Variants in PRKCE observed in about 807,000 individuals in gnomAD.
The protein encoded by PRKCE is protein kinase C epsilon type.
A neutral mutation model predicts 85.4 loss-of-function variants in PRKCE; 16 were observed. That is an observed-to-expected ratio of 0.19 (90% CI 0.13 to 0.28). PRKCE has a LOEUF of 0.28. Among genes scored for constraint, PRKCE ranks in the 10% least tolerant of loss-of-function variants. The probability of loss-of-function intolerance (pLI) is 1.00; values close to 1 mark genes in which losing one functional copy is unlikely to be tolerated. For missense variants in PRKCE, 573 were observed against 975.2 expected (o/e 0.59, Z 5.49); for synonymous variants, 388 against 371.5 (o/e 1.04, Z -0.51).
intron 1 of PRKCE, among the ~76,000 whole-genome samples, chr2:45,722,676 G>A (rs889831280): frequency 6.6e-6 from 1 of 152,224 alleles, no homozygotes; most frequent in Non-Finnish European, 1.5e-5. Context: ...TACTAAGCAG[G>A]TGTGATTCAG....
At chr2:45,817,789 T>C (rs1006157129) in intron 1 of PRKCE, among the ~76,000 whole-genome samples, 2 of 152,164 alleles carry the variant, frequency 1.3e-5, no homozygotes, top group Non-Finnish European at 2.9e-5. Flanking sequence ...TATAGATGGG[T>C]GACAATGAAG....
chr2:45,844,016 T>C (rs1262169072), intron 2 of PRKCE, among the ~76,000 whole-genome samples: 1 of 152,074 alleles, frequency 6.6e-6, no homozygotes, highest in East Asian at 1.9e-4. Context: ...TTTCACAACA[T>C]CTCCCCAGAA....
chr2:45,889,098 A>G (rs1026194889), intron 2 of PRKCE, among the ~76,000 whole-genome samples: 13 of 152,242 alleles, frequency 8.5e-5, no homozygotes, highest in African/African-American at 3.1e-4. Flanking sequence ...ATAGAAGCAG[A>G]TGGTGTTACA....
intron 2 of PRKCE, among the ~76,000 whole-genome samples, chr2:45,906,103 G>C (rs1696953886): frequency 6.6e-6 from 1 of 152,250 alleles, no homozygotes; most frequent in Non-Finnish European, 1.5e-5. Flanking sequence ...CGGCTTTCCT[G>C]CTCCCCGCAA....
intron 1 of PRKCE, among the ~76,000 whole-genome samples, chr2:45,798,597 G>A: frequency 6.6e-6 from 1 of 152,148 alleles, no homozygotes; most frequent in East Asian, 1.9e-4. Flanking sequence ...TAAAGCCAGA[G>A]TTTTATATGA....
At chr2:45,926,118 G>A (rs1252519034) in intron 2 of PRKCE, among the ~76,000 whole-genome samples, 1 of 152,202 alleles carries the variant, frequency 6.6e-6, no homozygotes, top group African/African-American at 2.4e-5. Flanking sequence ...GACTTGTGAA[G>A]TATAAATAAC....
At chr2:46,089,326 C>A (rs1200124487) in intron 11 of PRKCE, among the ~76,000 whole-genome samples, 1 of 152,184 alleles carries the variant, frequency 6.6e-6, no homozygotes, top group African/African-American at 2.4e-5. Context: ...GAGCCCCACA[C>A]AAGATCTCTT....
intron 1 of PRKCE, among the ~76,000 whole-genome samples, chr2:45,761,945 C>A (rs1328091109): frequency 6.6e-6 from 1 of 152,134 alleles, no homozygotes; most frequent in Admixed American, 6.5e-5. Flanking sequence ...GACCACCCAG[C>A]AAGTTCCTGC....
chr2:46,045,467 T>C (rs7589678), intron 10 of PRKCE, among the ~76,000 whole-genome samples: 8,263 of 152,318 alleles, frequency 0.054, 323 homozygotes, highest in East Asian at 0.13. Flanking sequence ...TTGGTGGAGA[T>C]GTTTAGGCTA....
intron 1 of PRKCE, among the ~76,000 whole-genome samples, chr2:45,658,574 A>T (rs1675490607): frequency 6.6e-6 from 1 of 152,218 alleles, no homozygotes; most frequent in Non-Finnish European, 1.5e-5. Flanking sequence ...AGGCTTTTTA[A>T]GCCCGTTTCT....
intron 10 of PRKCE, chr2:46,073,513 C>T (rs889058950): frequency 6.6e-6 from 1 of 152,348 alleles, no homozygotes; most frequent in Non-Finnish European, 1.5e-5. Flanking sequence ...AGCTGCTTCT[C>T]GGAGGTCCTG....
intron 2 of PRKCE, among the ~76,000 whole-genome samples, chr2:45,866,458 C>A (rs62127219): frequency 0.036 from 5,497 of 152,256 alleles, 199 homozygotes; most frequent in South Asian, 0.19. Flanking sequence ...CAGGCGCCGG[C>A]CACCATGCCT....
At chr2:45,870,814 G>T (rs145804318) in intron 2 of PRKCE, among the ~76,000 whole-genome samples, 1 of 152,120 alleles carries the variant, frequency 6.6e-6, no homozygotes, top group African/African-American at 2.4e-5. Flanking sequence ...TCTCTCCTTC[G>T]CTTGTAGTGG....
At chr2:46,039,719 C>A (rs1255799707) in intron 10 of PRKCE, among the ~76,000 whole-genome samples, 3 of 152,154 alleles carry the variant, frequency 2.0e-5, no homozygotes, top group Non-Finnish European at 4.4e-5. Context: ...GTTGTTTATT[C>A]CAGAAATAGT....
chr2:46,181,105 T>C (rs1433225313), intron 14 of PRKCE, among the ~76,000 whole-genome samples: 1 of 152,150 alleles, frequency 6.6e-6, no homozygotes, highest in African/African-American at 2.4e-5. Context: ...AATCTTTAAG[T>C]CGAGTCCAGT....
At chr2:45,841,685 T>C (rs1691361347) in intron 1 of PRKCE, among the ~76,000 whole-genome samples, 1 of 152,218 alleles carries the variant, frequency 6.6e-6, no homozygotes, top group Non-Finnish European at 1.5e-5. Context: ...TGACACTCAA[T>C]ATTAACCATC....
chr2:46,180,784 A>G (rs1210955316), intron 14 of PRKCE, among the ~76,000 whole-genome samples: 2 of 152,234 alleles, frequency 1.3e-5, no homozygotes, highest in African/African-American at 4.8e-5. Flanking sequence ...CCCGTGTGAC[A>G]GATGGAAAGA....
intron 11 of PRKCE, among the ~76,000 whole-genome samples, chr2:46,087,095 C>G (rs1304671547): frequency 6.6e-6 from 1 of 151,748 alleles, no homozygotes; most frequent in African/African-American, 2.4e-5. Context: ...TTCTCAATGG[C>G]TGTTAATTTC....
Position 46,185,131 on chromosome 2 carries a change from A to G in PRKCE, c.*250A>G, listed in dbSNP as rs1445953186. On this transcript the variant is annotated 3_prime_UTR_variant, in exon 15 of 15. Transcript: ENST00000306156. The surrounding 1 kb of genome is among the most constrained non-coding windows in gnomAD (Gnocchi z 4.7). The stretch of plus-strand genomic sequence containing the variant: ...ATTGGGTCAGCAATTAGCTGTATAC[A>G]CTGCCGTGTTTGGACCATTGGCAAG... The G allele has an allele frequency of 1.2e-5, 6 of 485,774 alleles. No individual in the cohort carries two copies. Among genetic ancestry groups the G allele is most frequent in the Non-Finnish European group, 1.8e-5 (5 of 275,236 alleles). The allele number at this position is 485,774 out of a possible 1,614,324, so 30.1% of individuals were successfully genotyped here. A position where few individuals can be genotyped will look rare whatever the true frequency, so the allele number is the denominator to read the frequency against.
Sources: gnomAD v4.1 joint callset for allele counts (sites outside exome capture counted in the v4.1 genomes callset) on GRCh38, gnomAD v4.1.1 for gene constraint, Gnocchi (gnomAD v3.1) non-coding constraint, MANE v1.5 for transcripts, NCBI Gene and HGNC (gene_info 2026-07-23, HGNC 2026-07-21) for gene names.